Variants in HIP1 observed in about 807,000 individuals in gnomAD.
HIP1 encodes the protein huntingtin interacting protein 1, also known as huntingtin-interacting protein 1.
In HIP1, 65 loss-of-function variants were observed where a neutral mutation model predicts 147.6. The ratio of observed to expected loss-of-function variants is 0.44; its 90% confidence interval spans 0.36 to 0.54. The LOEUF is 0.54. Among genes scored for constraint, HIP1 ranks in the 20% least tolerant of loss-of-function variants. HIP1 has a pLI of 0.00. For missense variants in HIP1, 1,061 were observed against 1,299.6 expected, an observed-to-expected ratio of 0.82 and a Z score of 2.82; for synonymous variants, 479 against 504.0, an observed-to-expected ratio of 0.95 and a Z score of 0.67.
intron 1 of HIP1, among the ~76,000 whole-genome samples, chr7:75,617,392 T>C (rs1160581979): frequency 2.0e-5 from 3 of 151,964 alleles, no homozygotes; most frequent in Non-Finnish European, 4.4e-5. Context: ...AATTTTTTAT[T>C]ATTTGTAGAG....
chr7:75,735,085 T>C (rs1180902894), intron 1 of HIP1, among the ~76,000 whole-genome samples: 3 of 152,198 alleles, frequency 2.0e-5, no homozygotes, highest in Non-Finnish European at 2.9e-5. Context: ...CCTTCAGGCA[T>C]ATTGGGCTTA....
chr7:75,698,413 C>T (rs1368713849), intron 1 of HIP1, among the ~76,000 whole-genome samples: 1 of 152,128 alleles, frequency 6.6e-6, no homozygotes, highest in African/African-American at 2.4e-5. Context: ...AGGTTTCAAA[C>T]CCAGGCAGTT....
In HIP1 at chr7:75,705,022, C is replaced by T. The variant is rs975062398; in HGVS notation, c.120+33779G>A. ...AAGTTTTAAGTTGTGGTAAAATACA[C>T]GTAATATAAAATTTACCATCTGAAC... On this transcript the variant is annotated intron_variant, in intron 1 of 30. Transcript: ENST00000336926. 7.2e-5 allele frequency among the ~76,000 whole-genome samples: 11 copies of T among 152,180 alleles called. No homozygotes were observed. In the East Asian group the frequency reaches 1.2e-3, roughly 16 times the overall value.
At chr7:75,613,110 C>A (rs968553811) in intron 1 of HIP1, among the ~76,000 whole-genome samples, 2 of 149,818 alleles carry the variant, frequency 1.3e-5, no homozygotes, top group Non-Finnish European at 2.9e-5. Context: ...CACACACATG[C>A]ACACAAAAGA....
chr7:75,642,266 G>A (rs186942412), intron 1 of HIP1, among the ~76,000 whole-genome samples: 19 of 152,080 alleles, frequency 1.2e-4, no homozygotes, highest in East Asian at 7.7e-4. Context: ...GGTTGGGTAC[G>A]ACGGTTCACA....
intron 1 of HIP1, among the ~76,000 whole-genome samples, chr7:75,633,516 T>C (rs1554509226): frequency 6.6e-6 from 1 of 152,178 alleles, no homozygotes; most frequent in Admixed American, 6.6e-5. Context: ...GGTCTCTAAC[T>C]CCTGACCTTA....
At position 75,556,042 on chromosome 7, in the gene HIP1, T is replaced by C. The variant is rs868978601; in HGVS notation, c.1811A>G (p.Lys604Arg). ...LRKELQDTQL[K>R]LASTEESMCQ... is the part of the protein sequence containing the mutation. The stretch of plus-strand genomic sequence containing the variant: ...GTGACTTGCCTCTGTGCTGGCCAGT[T>C]TGAGCTGAGTGTCCTGCAGTTCTTT... Residue 604 changes from lysine to arginine, a missense_variant, in exon 18 of 31, where the codon AAA (lysine) becomes AGA (arginine). Lys to Arg is a conservative substitution (Grantham distance 26). This residue lies in a region of HIP1 where 810 missense variants were observed against 946.8 expected (regional missense o/e 0.86). Coordinates refer to ENST00000336926, the MANE Select transcript of HIP1 (RefSeq NM_005338.7). 1.2e-6 allele frequency: 2 copies of C among 1,614,040 alleles called. No homozygotes were observed. Among genetic ancestry groups the C allele is most frequent in the African/African-American group, 2.7e-5 (2 of 74,944 alleles).
chr7:75,579,669 C>A (rs1375621673), intron 7 of HIP1, among the ~76,000 whole-genome samples: 2 of 152,128 alleles, frequency 1.3e-5, no homozygotes, highest in East Asian at 3.9e-4. Flanking sequence ...CCTGTCCCAG[C>A]CATCGTACAA....
chr7:75,627,430 A>C (rs1431215181), intron 1 of HIP1, among the ~76,000 whole-genome samples: 3 of 152,128 alleles, frequency 2.0e-5, no homozygotes, highest in African/African-American at 7.2e-5. Context: ...CCCAGGACCC[A>C]AGGCCTTGAC....
intron 17 of HIP1, 75 bp from the exon 18 acceptor site, chr7:75,556,244 C>T (rs587623503): frequency 1.3e-6 from 2 of 1,542,700 alleles, no homozygotes; most frequent in Admixed American, 1.8e-5. Context: ...AGGTCCAACC[C>T]ACCACCGGGT....
intron 1 of HIP1, among the ~76,000 whole-genome samples, chr7:75,714,401 G>A (rs1801253144): frequency 6.6e-6 from 1 of 151,602 alleles, no homozygotes; most frequent in Non-Finnish European, 1.5e-5. Context: ...GTAGTGCAGA[G>A]TTCCCAGACA....
intron 1 of HIP1, among the ~76,000 whole-genome samples, chr7:75,692,510 C>G (rs148529282): frequency 0.014 from 2,137 of 152,028 alleles, 61 homozygotes; most frequent in African/African-American, 0.049. Flanking sequence ...AGCCTCTGCC[C>G]CCCAGGTTCA....
At chr7:75,635,810 C>T (rs1798404463) in intron 1 of HIP1, among the ~76,000 whole-genome samples, 2 of 151,538 alleles carry the variant, frequency 1.3e-5, no homozygotes, top group African/African-American at 4.9e-5. Flanking sequence ...ATTGCTTGAG[C>T]CCAGGAGTTC....
chr7:75,582,667 G>A (rs1188614214), intron 5 of HIP1, among the ~76,000 whole-genome samples: 2 of 152,000 alleles, frequency 1.3e-5, no homozygotes, highest in African/African-American at 4.8e-5. Flanking sequence ...AAAATTAGCC[G>A]GGTGTGGTGG....
At chr7:75,636,386 A>G (rs1280128691) in intron 1 of HIP1, among the ~76,000 whole-genome samples, 9 of 152,098 alleles carry the variant, frequency 5.9e-5, no homozygotes, top group African/African-American at 2.2e-4. Flanking sequence ...AATCAGGTAA[A>G]CTATAATCTG....
In HIP1 at chr7:75,544,847, C is replaced by A. The variant is rs781914358; in HGVS notation, c.2661-47G>T. 30 of 1,198,714 alleles carry A rather than the reference C, an allele frequency of 2.5e-5. No individual in the cohort carries two copies. In the South Asian group the frequency reaches 3.8e-4, roughly 15 times the overall value. The allele number at this position is 1,198,714 out of a possible 1,614,324, so 74.3% of individuals were successfully genotyped here. A position where few individuals can be genotyped will look rare whatever the true frequency, so the allele number is the denominator to read the frequency against. On this transcript the variant is annotated intron_variant, in intron 26 of 30. Transcript: ENST00000336926. The stretch of plus-strand genomic sequence containing the variant: ...GACTAGGTTACGGGCAAATGAGCTG[C>A]AACTCCTCCACAATCCCACCTCCAG...
chr7:75,620,142 T>TG (rs1457042451), intron 1 of HIP1, among the ~76,000 whole-genome samples: 3 of 152,152 alleles, frequency 2.0e-5, no homozygotes, highest in African/African-American at 7.2e-5. Flanking sequence ...CCCAGCGCTT[T>TG]GGGAGGCCAA....
intron 1 of HIP1, among the ~76,000 whole-genome samples, chr7:75,620,960 T>G (rs1324911245): frequency 1.3e-5 from 2 of 152,054 alleles, no homozygotes; most frequent in African/African-American, 4.8e-5. Context: ...GCTGGCGTGG[T>G]GGCTCACACC....
chr7:75,551,150 C>T (rs1554492042), intron 22 of HIP1, among the ~76,000 whole-genome samples: 1 of 142,294 alleles, frequency 7.0e-6, no homozygotes, highest in African/African-American at 2.7e-5. Context: ...TCATGTGAAA[C>T]TAACTCTATT....
Sources: allele counts gnomAD v4.1 joint callset (sites outside exome capture counted in the v4.1 genomes callset), GRCh38; gene constraint gnomAD v4.1.1; regional missense constraint gnomAD v4.1.1; transcripts MANE v1.5; gene names NCBI Gene and HGNC (gene_info 2026-07-23, HGNC 2026-07-21).